Variants in MAD2L2 observed in about 807,000 individuals in gnomAD.
MAD2L2 encodes mitotic spindle assembly checkpoint protein MAD2B.
Under a neutral mutation model 30.5 loss-of-function variants are expected in MAD2L2, and 17 were observed. The observed-to-expected ratio is 0.56, with a 90% CI of 0.38 to 0.84. MAD2L2 has a LOEUF of 0.84. Among genes scored for constraint, MAD2L2 ranks in the 40% least tolerant of loss-of-function variants. The probability of loss-of-function intolerance (pLI) is 0.00; values close to 1 mark genes in which losing one functional copy is unlikely to be tolerated. For missense variants in MAD2L2, 213 were observed against 277.4 expected (o/e 0.77, Z 1.65); for synonymous variants, 101 against 113.9 (o/e 0.89, Z 0.72).
chr1:11,688,388 T>C lies in MAD2L2; in HGVS notation c.-692+3025A>G, dbSNP rs1301617576. Among the ~76,000 whole-genome samples, 1 of 152,092 alleles carries C rather than the reference T, an allele frequency of 6.6e-6. No homozygotes were observed. Among genetic ancestry groups the C allele is most frequent in the Non-Finnish European group, 1.5e-5 (1 of 68,010 alleles). On this transcript the variant is annotated intron_variant, in intron 1 of 10. Transcript: ENST00000235310. The surrounding 1 kb of genome is among the most constrained non-coding windows in gnomAD (Gnocchi z 4.6). ...CATCCTGGCTAACATGGGGAAACTCTGTCTCTACTAAAAATACAAAAAATT... is the reference window on the plus strand; with the variant it reads ...CATCCTGGCTAACATGGGGAAACTCCGTCTCTACTAAAAATACAAAAAATT...
At chr1:11,675,557 A>G (rs2100705942) in intron 7 of MAD2L2, 101 bp downstream of exon 7, 2 of 1,155,908 alleles carry the variant, frequency 1.7e-6, no homozygotes, top group African/African-American at 1.5e-5. Flanking sequence ...TGCCACACCA[A>G]TGTAATGGGT....
In MAD2L2 at chr1:11,687,025, T is replaced by G. The variant is rs571309927; in HGVS notation, c.-692+4388A>C. Reference sequence around the variant, plus strand: ...CCAGGTACATCAGTTCCAAAACTACTAATCTACTTTCTGTTCTATGGATTG... The same window carrying G: ...CCAGGTACATCAGTTCCAAAACTACGAATCTACTTTCTGTTCTATGGATTG... On this transcript the variant is annotated intron_variant, in intron 1 of 10. Transcript: ENST00000235310. This position sits in a 1 kb window ranked among gnomAD's most constrained non-coding sequence, Gnocchi z 4.1. Among the ~76,000 whole-genome samples the G allele has an allele frequency of 6.6e-5, 10 of 152,294 alleles. No individual in the cohort carries two copies. The East Asian group carries it at 1.7e-3, about 26-fold the overall frequency.
chr1:11,677,475 G>T, intron 4 of MAD2L2, 68 bp downstream of exon 4: 1 of 1,445,790 alleles, frequency 6.9e-7, no homozygotes, highest in Non-Finnish European at 9.7e-7. Flanking sequence ...CCCAGAGTTG[G>T]ACTGTGAGCA....
intron 4 of MAD2L2, 170 bp from the exon 5 acceptor site, chr1:11,677,118 A>C (rs1640783631): frequency 9.2e-6 from 6 of 654,850 alleles, no homozygotes; most frequent in Non-Finnish European, 1.6e-5. Context: ...AGAAGCCGGC[A>C]CCCTCCAGCA....
At chr1:11,689,236 A>T (rs1468858097) in intron 1 of MAD2L2, among the ~76,000 whole-genome samples, 2 of 142,426 alleles carry the variant, frequency 1.4e-5, no homozygotes, top group Non-Finnish European at 3.0e-5. Flanking sequence ...CAGAAGTTGC[A>T]GTGAGCCGAG....
In MAD2L2 at chr1:11,678,499, A is replaced by G. The variant is rs887047104; in HGVS notation, c.160-885T>C. On this transcript the variant is annotated intron_variant, in intron 3 of 8. Transcript: ENST00000376692. The stretch of plus-strand genomic sequence containing the variant: ...TAATGTGGGGTCCATGGACTCCTCC[A>G]GAGTCTGAAAAATCCCTAAAGTTGT... Among the ~76,000 whole-genome samples the G allele has an allele frequency of 2.0e-5, 3 of 152,360 alleles. No homozygotes were observed. In the East Asian group the frequency reaches 5.8e-4, roughly 29 times the overall value.
Position 11,674,910 on chromosome 1 carries a change from C to T in MAD2L2, c.595-94G>A. On this transcript the variant is annotated intron_variant, in intron 8 of 8. Transcript: ENST00000376692. This position sits in a 1 kb window ranked among gnomAD's most constrained non-coding sequence, Gnocchi z 6.1. ...GCCCCTGGTGGGCAGACCTCCACCA[C>T]AGGTGGGGCCTCGTGGCCATAGCCA... The T allele has an allele frequency of 6.9e-7, 1 of 1,453,350 alleles. No homozygotes were observed. The highest frequency in any genetic ancestry group is 1.7e-4 in the Middle Eastern group (1 of 5,730). 90.0% of individuals were successfully genotyped at this position (1,453,350 alleles called of 1,614,324 possible). A position where few individuals can be genotyped will look rare whatever the true frequency, so the allele number is the denominator to read the frequency against.
At chr1:11,680,949 A>C (rs1640866027) in intron 1 of MAD2L2, 90 bp downstream of exon 1, 1 of 273,212 alleles carries the variant, frequency 3.7e-6, no homozygotes, top group East Asian at 9.4e-5. Flanking sequence ...GACATGCGGA[A>C]AGCGAAGCGG....
intron 3 of MAD2L2, 95 bp downstream of exon 3, chr1:11,680,258 A>C: frequency 1.9e-6 from 2 of 1,036,720 alleles, no homozygotes; most frequent in Non-Finnish European, 2.8e-6. Flanking sequence ...GGCCTCCCAA[A>C]GTGCTAGGAT....
In MAD2L2 at chr1:11,674,654, G is replaced by T; in HGVS notation, c.*121C>A. ...ACCTGAGCGGCCCCGGGCTGGGGCG[G>T]GCGATCCACACACAGAGGCGATAAG... On this transcript the variant is annotated 3_prime_UTR_variant, in exon 9 of 9. Coordinates refer to ENST00000376692, the MANE Select transcript of MAD2L2 (RefSeq NM_006341.4). This position sits in a 1 kb window ranked among gnomAD's most constrained non-coding sequence, Gnocchi z 6.1. 9.2e-7 allele frequency: 1 copy of T among 1,084,480 alleles called. No individual in the cohort carries two copies. The highest frequency in any genetic ancestry group is 1.4e-6 in the Non-Finnish European group (1 of 723,356). 67.2% of individuals were successfully genotyped at this position (1,084,480 alleles called of 1,614,324 possible).
At chr1:11,684,894 T>C (rs1055841924), upstream of MAD2L2, among the ~76,000 whole-genome samples, 7 of 150,652 alleles carry the variant, frequency 4.6e-5, no homozygotes, top group African/African-American at 1.7e-4. Flanking sequence ...TTCAATATAG[T>C]GCCTGGCCAA....
chr1:11,677,760 C>T (rs1057484120), intron 3 of MAD2L2, 146 bp from the exon 4 acceptor site: 7 of 649,862 alleles, frequency 1.1e-5, no homozygotes, highest in Non-Finnish European at 1.9e-5. Context: ...CCCACTTTCC[C>T]TCAAGAGGCT....
upstream of MAD2L2, chr1:11,681,558 A>C (rs951841252): frequency 6.6e-6 from 1 of 152,214 alleles, no homozygotes; most frequent in African/African-American, 2.4e-5. Flanking sequence ...GGGGGCGGGA[A>C]CAGGGGAGGA....
At chr1:11,679,615 A>T (rs1351583658) in intron 3 of MAD2L2, among the ~76,000 whole-genome samples, 1 of 148,378 alleles carries the variant, frequency 6.7e-6, no homozygotes, top group Non-Finnish European at 1.5e-5. Context: ...CAACCTCTGC[A>T]TCCCGGGTTC....
At chr1:11,685,184 C>A (rs1640937702), upstream of MAD2L2, among the ~76,000 whole-genome samples, 1 of 152,166 alleles carries the variant, frequency 6.6e-6, no homozygotes, top group Non-Finnish European at 1.5e-5. Flanking sequence ...CTGCCTCTCA[C>A]CCTCGCAAAA....
At chr1:11,686,406 CCT>C (rs1264914190) in intron 1 of MAD2L2, among the ~76,000 whole-genome samples, 1 of 152,174 alleles carries the variant, frequency 6.6e-6, no homozygotes, top group African/African-American at 2.4e-5. Flanking sequence ...GTTGCTGACC[CCT>C]CAGTGGTCAG....
chr1:11,675,021 C>A, intron 8 of MAD2L2, 61 bp downstream of exon 8: 2 of 1,419,078 alleles, frequency 1.4e-6, no homozygotes, highest in Non-Finnish European at 1.9e-6. Context: ...GGCCTCAGCA[C>A]CGGGCCTCAC....
intron 1 of MAD2L2, among the ~76,000 whole-genome samples, chr1:11,686,373 G>A (rs77586763): frequency 0.011 from 1,671 of 152,248 alleles, 81 homozygotes; most frequent in Admixed American, 0.094. Flanking sequence ...CATTCCCTCC[G>A]TGGGGTTCTA....
At position 11,687,963 on chromosome 1, in the gene MAD2L2, AG is replaced by A. The variant is rs2100720874; in HGVS notation, c.-692+3449del. 6.6e-6 allele frequency among the ~76,000 whole-genome samples: 1 copy of A among 152,324 alleles called. No individual in the cohort carries two copies. Among genetic ancestry groups the A allele is most frequent in the South Asian group, 2.1e-4 (1 of 4,828 alleles). ...AAAGTCATCATAAACTGGATGGGAT[AG>A]GAGTCCAGGCCTCTCCTAACATCCA... On this transcript the variant is annotated intron_variant, in intron 1 of 10. Coordinates refer to the MAD2L2 transcript ENST00000235310. The surrounding 1 kb of genome is among the most constrained non-coding windows in gnomAD (Gnocchi z 4.1).
Sources: gnomAD v4.1 joint callset for allele counts (sites outside exome capture counted in the v4.1 genomes callset) on GRCh38, gnomAD v4.1.1 for gene constraint, Gnocchi (gnomAD v3.1) non-coding constraint, MANE v1.5 for transcripts, NCBI Gene and HGNC (gene_info 2026-07-23, HGNC 2026-07-21) for gene names.